TRPM3: variants seen among roughly 807,000 people sequenced by gnomAD.
The protein encoded by TRPM3 is transient receptor potential cation channel subfamily M member 3.
In TRPM3, 77 loss-of-function variants were observed where a neutral mutation model predicts 181.2. The observed-to-expected ratio is 0.42, with a 90% confidence interval of 0.35 to 0.51. The LOEUF (loss-of-function observed/expected upper bound fraction) is 0.51. Among genes scored for constraint, TRPM3 ranks in the 20% least tolerant of loss-of-function variants. TRPM3 has a pLI of 0.01. For synonymous variants in TRPM3, 745 were observed against 796.4 expected (o/e 0.94, Z 1.09); for missense variants, 1,759 against 2,196.7 (o/e 0.80, Z 3.98).
chr9:71,361,891 C>CT (rs368570208), intron 1 of TRPM3, among the ~76,000 whole-genome samples: 163 of 148,838 alleles, frequency 1.1e-3, no homozygotes, highest in African/African-American at 1.8e-3. Flanking sequence ...TGAAATCTTG[C>CT]TTTTTTTTTT....
intron 1 of TRPM3, among the ~76,000 whole-genome samples, chr9:71,183,464 T>G (rs1193557488): frequency 1.3e-5 from 2 of 152,166 alleles, no homozygotes; most frequent in African/African-American, 4.8e-5. Flanking sequence ...TCATTTCCTG[T>G]GTTATTACAA....
intron 1 of TRPM3, among the ~76,000 whole-genome samples, chr9:71,363,689 T>C (rs190987634): frequency 1.3e-5 from 2 of 152,330 alleles, no homozygotes; most frequent in Admixed American, 6.5e-5. Flanking sequence ...TCTTAGCTTA[T>C]ACGCACTGCA....
intron 1 of TRPM3, among the ~76,000 whole-genome samples, chr9:71,209,588 G>A (rs1180844867): frequency 6.6e-6 from 1 of 152,216 alleles, no homozygotes; most frequent in East Asian, 1.9e-4. Flanking sequence ...AAATTTGAGA[G>A]AGAGGCAAAG....
At chr9:70,638,183 G>A (rs2057511858) in intron 11 of TRPM3, among the ~76,000 whole-genome samples, 1 of 152,184 alleles carries the variant, frequency 6.6e-6, no homozygotes, top group Non-Finnish European at 1.5e-5. Context: ...TGTCCCTTCT[G>A]GAGAATGGCA....
rs148917561 is a variant in TRPM3, at chr9:70,633,702, C to A, written c.1632+1509G>T. The stretch of plus-strand genomic sequence containing the variant: ...AAGTAGCCCCAAGGCCTTTGCTTGG[C>A]CTTTCAAAGGAAAAATAAAAAAGTA... On this transcript the variant is annotated intron_variant, in intron 12 of 25. Transcript: ENST00000677713. Among the ~76,000 whole-genome samples the A allele has an allele frequency of 1.2e-3, 177 of 152,262 alleles. 1 individual carries two copies. Among genetic ancestry groups the A allele is most frequent in the African/African-American group, 4.0e-3 (166 of 41,544 alleles).
At chr9:70,793,714 C>A in intron 6 of TRPM3, 1 of 461,950 alleles carries the variant, frequency 2.2e-6, no homozygotes, top group Non-Finnish European at 4.5e-6. Flanking sequence ...GGAAAAGAGT[C>A]AAGACAGTCC....
At chr9:70,915,527 G>A (rs935815747) in intron 1 of TRPM3, among the ~76,000 whole-genome samples, 1 of 150,718 alleles carries the variant, frequency 6.6e-6, no homozygotes, top group Non-Finnish European at 1.5e-5. Context: ...GGATGGTCTT[G>A]ATCTCCTGAC....
At chr9:70,814,728 G>C (rs1030767053) in intron 6 of TRPM3, among the ~76,000 whole-genome samples, 26 of 152,232 alleles carry the variant, frequency 1.7e-4, no homozygotes, top group South Asian at 4.1e-4. Context: ...AAGAAGGTAT[G>C]TCAAACACAG....
chr9:70,639,074 C>T lies in TRPM3; in HGVS notation c.1567G>A (p.Glu523Lys). Residue 523 changes from glutamate to lysine, a missense_variant, in exon 11 of 26, where the codon GAA (glutamate) becomes AAA (lysine). Glu to Lys is a moderately conservative substitution (Grantham distance 56). Around this residue, in one of 8 missense-constraint regions of TRPM3, gnomAD observed 737 missense variants for 957.4 expected, o/e 0.77. Transcript: ENST00000677713. ...TTTGGCCCTACCGTATTGTACAATT[C>T]CTCTAGTCTGGAGATGGTGAGAAAA... ...HRFLTISRLE[E>K]LYNTRHGPSN... 6.2e-7 allele frequency: 1 copy of T among 1,613,820 alleles called. No homozygotes were observed. The highest frequency in any genetic ancestry group is 1.3e-5 in the African/African-American group (1 of 75,008).
intron 18 of TRPM3, among the ~76,000 whole-genome samples, chr9:70,615,494 A>AT (rs1341424157): frequency 2.0e-5 from 3 of 152,264 alleles, no homozygotes; most frequent in African/African-American, 7.2e-5. Context: ...CTGAAGACAG[A>AT]TACAGGCTTA....
At chr9:71,409,323 A>G (rs2093497546) in intron 1 of TRPM3, among the ~76,000 whole-genome samples, 1 of 152,186 alleles carries the variant, frequency 6.6e-6, no homozygotes, top group African/African-American at 2.4e-5. Context: ...CAAATTGGAT[A>G]AAGAATCAAG....
At chr9:71,279,626 C>G (rs538859341) in intron 1 of TRPM3, among the ~76,000 whole-genome samples, 3 of 152,198 alleles carry the variant, frequency 2.0e-5, no homozygotes, top group African/African-American at 7.2e-5. Flanking sequence ...GGTGTGAACA[C>G]TTGGAAGTGT....
intron 22 of TRPM3, among the ~76,000 whole-genome samples, chr9:70,578,428 T>A (rs541669329): frequency 3.3e-5 from 5 of 152,158 alleles, no homozygotes; most frequent in Non-Finnish European, 7.3e-5. Context: ...GGTTAAGGCC[T>A]CTGGGTTCTT....
At chr9:70,664,943 C>T (rs768009223) in intron 9 of TRPM3, among the ~76,000 whole-genome samples, 15 of 152,160 alleles carry the variant, frequency 9.9e-5, no homozygotes, top group Admixed American at 2.0e-4. Context: ...AGCCACCACA[C>T]CGGCCTAGGA....
chr9:71,188,299 A>G (rs1182399634), intron 1 of TRPM3, among the ~76,000 whole-genome samples: 1 of 151,912 alleles, frequency 6.6e-6, no homozygotes, highest in African/African-American at 2.4e-5. Context: ...AAGCATCTTC[A>G]TATTTTCCAA....
chr9:71,053,149 G>A (rs1163585452), intron 1 of TRPM3, among the ~76,000 whole-genome samples: 8 of 132,722 alleles, frequency 6.0e-5, no homozygotes, highest in Admixed American at 5.4e-4. Flanking sequence ...TCTTAAACAA[G>A]TCTTGCCATT....
rs75130117 is a variant in TRPM3 at position 70,783,724 on chromosome 9, G to A, written c.1148+381C>T. On this transcript the variant is annotated intron_variant, in intron 7 of 25. Transcript: ENST00000677713. ...GGAAGCTGAACAACCCAGCTTCTCT[G>A]AAGTTACCAACCTGAACCATCTGGT... 1.2e-3 allele frequency: 586 copies of A among 484,296 alleles called. 2 individuals are homozygous for A. Among genetic ancestry groups the A allele is most frequent in the African/African-American group, 0.012 (563 of 47,542 alleles). The allele number at this position is 484,296 out of a possible 1,614,324, so 30.0% of individuals were successfully genotyped here.
chr9:70,977,700 C>T (rs1375350725), intron 1 of TRPM3, among the ~76,000 whole-genome samples: 2 of 152,156 alleles, frequency 1.3e-5, no homozygotes, highest in Admixed American at 6.5e-5. Flanking sequence ...ACAGCTTCTT[C>T]CTTAGGTTCA....
At chr9:71,028,189 C>T (rs762819643) in intron 1 of TRPM3, among the ~76,000 whole-genome samples, 2 of 152,036 alleles carry the variant, frequency 1.3e-5, no homozygotes, top group Non-Finnish European at 2.9e-5. Context: ...GAAATTCCAA[C>T]CAAGAATTTC....
Sources: gnomAD v4.1 joint callset for allele counts (sites outside exome capture counted in the v4.1 genomes callset) on GRCh38, gnomAD v4.1.1 for gene constraint, gnomAD v4.1.1 regional missense constraint, MANE v1.5 for transcripts, NCBI Gene and HGNC (gene_info 2026-07-23, HGNC 2026-07-21) for gene names.